PACRG: variants seen among roughly 807,000 people sequenced by gnomAD.
The protein encoded by PACRG is parkin coregulated gene protein.
A neutral mutation model predicts 29.7 loss-of-function variants in PACRG; 29 were observed. The ratio of observed to expected loss-of-function variants is 0.98; its 90% CI spans 0.73 to 1.33. The LOEUF is 1.33. Ranked by LOEUF, PACRG falls within the 40% of genes most tolerant of loss-of-function variation. The probability of loss-of-function intolerance (pLI) is 0.00; values close to 1 mark genes in which losing one functional copy is unlikely to be tolerated. For missense variants in PACRG, 279 were observed against 316.2 expected (o/e 0.88, Z 0.89); for synonymous variants, 116 against 118.7 (o/e 0.98, Z 0.15).
At chr6:163,300,446 T>TAGAGAAGC (rs1784946166) in intron 4 of PACRG, among the ~76,000 whole-genome samples, 1 of 109,018 alleles carries the variant, frequency 9.2e-6, no homozygotes, top group African/African-American at 2.6e-5. Context: ...TTCGCCTCAG[T>TAGAGAAGC]AGAGAAGCGG....
At chr6:163,255,909 T>G (rs930143469) in intron 4 of PACRG, among the ~76,000 whole-genome samples, 4 of 152,210 alleles carry the variant, frequency 2.6e-5, no homozygotes, top group Non-Finnish European at 5.9e-5. Context: ...GTGCTGGGTT[T>G]ACAGGTGTGA....
chr6:162,918,421 C>T (rs1240151698), intron 2 of PACRG, among the ~76,000 whole-genome samples: 2 of 152,114 alleles, frequency 1.3e-5, no homozygotes, highest in Admixed American at 6.5e-5. Flanking sequence ...ATTTTAAGGA[C>T]GAGACATGAA....
At chr6:163,101,807 C>T (rs968474120) in intron 4 of PACRG, among the ~76,000 whole-genome samples, 4 of 152,236 alleles carry the variant, frequency 2.6e-5, no homozygotes, top group African/African-American at 9.6e-5. Context: ...AAGACTAATG[C>T]ACCAGGCTAC....
chr6:162,727,654 C>A, upstream of PACRG: 1 of 1,585,288 alleles, frequency 6.3e-7, no homozygotes, highest in Admixed American at 1.8e-5. Flanking sequence ...TGGCAGGTAC[C>A]CACGTACCTA....
At chr6:162,818,843 A>G (rs1455059264) in intron 2 of PACRG, among the ~76,000 whole-genome samples, 1 of 152,190 alleles carries the variant, frequency 6.6e-6, no homozygotes, top group African/African-American at 2.4e-5. Context: ...CAGGTATCAG[A>G]GATATTTGAA....
At chr6:162,830,458 A>G (rs1584480824) in intron 2 of PACRG, among the ~76,000 whole-genome samples, 1 of 152,192 alleles carries the variant, frequency 6.6e-6, no homozygotes, top group South Asian at 2.1e-4. Context: ...CTCTTGGCCA[A>G]CTTCCCCTCT....
At chr6:162,899,982 G>A (rs1459387776) in intron 2 of PACRG, among the ~76,000 whole-genome samples, 2 of 152,110 alleles carry the variant, frequency 1.3e-5, no homozygotes, top group Non-Finnish European at 2.9e-5. Flanking sequence ...AGAGGATGAG[G>A]GGAAGGTCAG....
chr6:162,888,488 TC>T (rs1411933249), intron 2 of PACRG, among the ~76,000 whole-genome samples: 39 of 152,114 alleles, frequency 2.6e-4, no homozygotes, highest in Admixed American at 2.6e-3. Context: ...CACAGTCATT[TC>T]ATCTCCAACT....
chr6:163,151,934 C>A (rs972044386), intron 4 of PACRG, among the ~76,000 whole-genome samples: 1 of 152,258 alleles, frequency 6.6e-6, no homozygotes, highest in Non-Finnish European at 1.5e-5. Flanking sequence ...AGATTCTACC[C>A]CAAATATGTC....
intron 1 of PACRG, among the ~76,000 whole-genome samples, chr6:162,797,112 A>C (rs1272045441): frequency 6.6e-6 from 1 of 152,228 alleles, no homozygotes; most frequent in Non-Finnish European, 1.5e-5. Flanking sequence ...CCCCGTCTCT[A>C]CTAAAAATAC....
At position 162,865,831 on chromosome 6, in the gene PACRG, T is replaced by C. The variant is rs192977049; in HGVS notation, c.291+51550T>C. ...GCTCTACTTTTAGAGCTTGAAATCA[T>C]TGGAAAACAAACAAAATAGCAAAGA... On this transcript the variant is annotated intron_variant, in intron 2 of 4. Coordinates refer to ENST00000366888, the MANE Select transcript of PACRG (RefSeq NM_001080379.2). 4.5e-4 allele frequency among the ~76,000 whole-genome samples: 68 copies of C among 152,218 alleles called. 1 individual carries two copies. Among genetic ancestry groups the C allele is most frequent in the African/African-American group, 1.0e-3 (43 of 41,548 alleles).
intron 3 of PACRG, among the ~76,000 whole-genome samples, chr6:163,077,731 C>T (rs1024788383): frequency 1.3e-5 from 2 of 152,074 alleles, no homozygotes; most frequent in African/African-American, 4.8e-5. Context: ...GTTTAAAAAA[C>T]ATTAAAAAGA....
intron 1 of PACRG, among the ~76,000 whole-genome samples, chr6:162,810,393 A>T (rs1209667364): frequency 6.6e-6 from 1 of 152,242 alleles, no homozygotes; most frequent in South Asian, 2.1e-4. Context: ...TGGTTTCACA[A>T]GAAAATCAGT....
intron 4 of PACRG, among the ~76,000 whole-genome samples, chr6:163,284,575 A>C (rs562933220): frequency 9.9e-5 from 15 of 152,200 alleles, no homozygotes; most frequent in Non-Finnish European, 1.9e-4. Context: ...GATTTTTAAA[A>C]CCATCTTATT....
intron 4 of PACRG, among the ~76,000 whole-genome samples, chr6:163,140,166 C>A (rs188078148): frequency 6.6e-6 from 1 of 152,340 alleles, no homozygotes; most frequent in East Asian, 1.9e-4. Flanking sequence ...ATGTACGAAG[C>A]ACGCAGCAAT....
intron 2 of PACRG, among the ~76,000 whole-genome samples, chr6:163,022,603 C>T (rs1247017953): frequency 1.3e-5 from 2 of 152,164 alleles, no homozygotes; most frequent in African/African-American, 2.4e-5. Context: ...TCTAAGCAGG[C>T]GACATGCCAA....
intron 2 of PACRG, among the ~76,000 whole-genome samples, chr6:162,999,945 C>T (rs1247804287): frequency 1.3e-5 from 2 of 152,154 alleles, no homozygotes; most frequent in Non-Finnish European, 1.5e-5. Flanking sequence ...AACACAAATG[C>T]CTACAATGGT....
At chr6:163,308,304 G>A (rs34834277) in intron 4 of PACRG, among the ~76,000 whole-genome samples, 12,443 of 152,178 alleles carry the variant, frequency 0.082, 561 homozygotes, top group Non-Finnish European at 0.1. Flanking sequence ...AAAACAAGGA[G>A]TAAATACAAA....
At chr6:162,780,207 G>A (rs954007581) in intron 1 of PACRG, among the ~76,000 whole-genome samples, 2 of 152,170 alleles carry the variant, frequency 1.3e-5, no homozygotes, top group Non-Finnish European at 2.9e-5. Context: ...AATAGCCAGA[G>A]TGGAAAACTT....
Sources: gnomAD v4.1 joint callset for allele counts (sites outside exome capture counted in the v4.1 genomes callset) on GRCh38, gnomAD v4.1.1 for gene constraint, MANE v1.5 for transcripts, NCBI Gene and HGNC (gene_info 2026-07-23, HGNC 2026-07-21) for gene names.